ZNF66: variants seen among roughly 807,000 people sequenced by gnomAD.
ZNF66 encodes zinc finger protein 66.
A neutral mutation model predicts 35.2 loss-of-function variants in ZNF66; 32 were observed. That is an observed-to-expected ratio of 0.91 (90% CI 0.69 to 1.22). The LOEUF (loss-of-function observed/expected upper bound fraction) is 1.22. Ranked by LOEUF, ZNF66 falls within the 50% of genes most tolerant of loss-of-function variation. The pLI is 0.00. For missense variants in ZNF66, 666 were observed against 543.1 expected (o/e 1.23, Z -2.25); for synonymous variants, 231 against 181.3 (o/e 1.27, Z -2.20).
At chr19:20,785,362 A>G (rs1971277852) in intron 1 of ZNF66, among the ~76,000 whole-genome samples, 1 of 152,218 alleles carries the variant, frequency 6.6e-6, no homozygotes, top group African/African-American at 2.4e-5. Flanking sequence ...AGAGAATCCT[A>G]TTCAACCATT....
chr19:20,797,356 G>A (rs1224850738), intron 3 of ZNF66, among the ~76,000 whole-genome samples: 3 of 138,754 alleles, frequency 2.2e-5, no homozygotes, highest in Non-Finnish European at 4.7e-5. Flanking sequence ...ACAGGCGCCC[G>A]CCACCTCGCC....
intron 2 of ZNF66, 61 bp from the exon 3 acceptor site, chr19:20,793,722 T>G: frequency 1.6e-6 from 1 of 625,158 alleles, no homozygotes; most frequent in Non-Finnish European, 2.6e-6. Context: ...CCTGAGCACA[T>G]TACTAGCTTG....
intron 1 of ZNF66, 110 bp from the exon 2 acceptor site, chr19:20,792,402 A>C (rs1391293991): frequency 1.0e-6 from 1 of 962,182 alleles, no homozygotes; most frequent in Non-Finnish European, 1.5e-6. Flanking sequence ...AACTTTAGTC[A>C]GTCCTATAAG....
chr19:20,806,298 A>G lies in ZNF66; in HGVS notation c.698A>G (p.Asp233Gly). The change falls in exon 4 of 4, where the codon GAC becomes GGC. Residue 233 changes from aspartate to glycine, a missense_variant. Asp to Gly is a moderately conservative substitution (Grantham distance 94). Coordinates refer to ENST00000344519, the MANE Select transcript of ZNF66 (RefSeq NM_001355197.2). ...HTGEKRYKCE[D>G]CGKAFNRSSN... ...GGAGAGAAACGGTACAAATGTGAAG[A>G]CTGTGGCAAAGCCTTTAACCGCTCC... is the stretch of plus-strand genomic sequence containing the variant. 6.7e-7 allele frequency: 1 copy of G among 1,492,202 alleles called. No individual in the cohort carries two copies. Among genetic ancestry groups the G allele is most frequent in the South Asian group, 1.1e-5 (1 of 88,438 alleles). 92.4% of individuals were successfully genotyped at this position (1,492,202 alleles called of 1,614,324 possible).
chr19:20,792,427 C>A, intron 1 of ZNF66, 85 bp from the exon 2 acceptor site: 3 of 1,247,808 alleles, frequency 2.4e-6, no homozygotes, highest in Non-Finnish European at 3.3e-6. Context: ...AACCAGTTAT[C>A]TTTACTCTCT....
intron 1 of ZNF66, among the ~76,000 whole-genome samples, chr19:20,787,693 A>T (rs910985554): frequency 1.3e-5 from 2 of 152,212 alleles, no homozygotes; most frequent in African/African-American, 4.8e-5. Context: ...TGTAAGTGTA[A>T]ATAAGCATCT....
At chr19:20,779,141 T>A (rs1003865540) in intron 1 of ZNF66, among the ~76,000 whole-genome samples, 14 of 152,320 alleles carry the variant, frequency 9.2e-5, no homozygotes, top group African/African-American at 3.4e-4. Flanking sequence ...GAGAGGGTCT[T>A]ACTGATGATG....
In ZNF66 at chr19:20,805,884, T is replaced by C. The variant is rs760293753; in HGVS notation, c.284T>C (p.Phe95Ser). Reference sequence around the variant, plus strand: ...CCAGAGCAGAGCATAAAAGATTCTTTCCAAAAACTGATACTGAGAAGGCAT... The same window carrying C: ...CCAGAGCAGAGCATAAAAGATTCTTCCCAAAAACTGATACTGAGAAGGCAT... ...LWPEQSIKDS[F>S]QKLILRRHKK... The change falls in exon 4 of 4, where the codon TTC (phenylalanine) becomes TCC (serine). Residue 95 changes from phenylalanine to serine, a missense_variant. Coordinates refer to ENST00000344519, the MANE Select transcript of ZNF66 (RefSeq NM_001355197.2). 3.1e-6 allele frequency: 2 copies of C among 654,356 alleles called. No individual in the cohort carries two copies. The highest frequency in any genetic ancestry group is 2.8e-6 in the Non-Finnish European group (1 of 361,260). The allele number at this position is 654,356 out of a possible 1,614,324, so 40.5% of individuals were successfully genotyped here. A position where few individuals can be genotyped will look rare whatever the true frequency, so the allele number is the denominator to read the frequency against.
chr19:20,796,280 C>T (rs1971392178), intron 3 of ZNF66, among the ~76,000 whole-genome samples: 1 of 151,896 alleles, frequency 6.6e-6, no homozygotes, highest in South Asian at 2.1e-4. Context: ...TTTCATCTTA[C>T]TGATGTCACT....
intron 3 of ZNF66, among the ~76,000 whole-genome samples, chr19:20,802,628 T>C (rs971741666): frequency 1.3e-5 from 2 of 152,242 alleles, no homozygotes; most frequent in African/African-American, 4.8e-5. Flanking sequence ...AGGAGAATGC[T>C]GTATGAGCTA....
chr19:20,793,813 C>A lies in ZNF66; in HGVS notation c.161C>A (p.Thr54Asn), dbSNP rs1421024610. ...GIVVSKPDLI[T>N]HLEQGKKPST... Reference sequence around the variant, plus strand: ...GTTGTCTCAAAGCCAGACCTCATCACCCATCTGGAGCAAGGAAAAAAACCT... The same window carrying A: ...GTTGTCTCAAAGCCAGACCTCATCAACCATCTGGAGCAAGGAAAAAAACCT... Residue 54 changes from threonine (T) to asparagine (N), a missense_variant, in exon 3 of 4, where the codon ACC (threonine) becomes AAC (asparagine). Thr to Asn is a moderately conservative substitution (Grantham distance 65). Coordinates refer to ENST00000344519, the MANE Select transcript of ZNF66 (RefSeq NM_001355197.2). 1.1e-5 allele frequency: 12 copies of A among 1,104,078 alleles called. No individual in the cohort carries two copies. Among genetic ancestry groups the A allele is most frequent in the Non-Finnish European group, 1.4e-5 (11 of 778,256 alleles). The allele number at this position is 1,104,078 out of a possible 1,614,324, so 68.4% of individuals were successfully genotyped here. A position where few individuals can be genotyped will look rare whatever the true frequency, so the allele number is the denominator to read the frequency against.
intron 3 of ZNF66, among the ~76,000 whole-genome samples, chr19:20,797,893 G>A (rs1971410588): frequency 6.6e-6 from 1 of 151,832 alleles, no homozygotes; most frequent in African/African-American, 2.4e-5. Flanking sequence ...TAGTTTATTG[G>A]GTGTTTTGGT....
chr19:20,806,188 T>C lies in ZNF66; in HGVS notation c.588T>C (p.Thr196=), dbSNP rs757127787. The change falls in exon 4 of 4, where the codon ACT becomes ACC. Residue 196 remains threonine (T), a synonymous_variant. Coordinates refer to ENST00000344519, the MANE Select transcript of ZNF66 (RefSeq NM_001355197.2). The part of the protein sequence containing the change: ...STFTTHKKIH[T]GEKPYKCIEC... Reference sequence around the variant, plus strand: ...TTACTACACATAAGAAAATTCATACTGGAGAGAAACCCTATAAATGTATAG... The same window carrying C: ...TTACTACACATAAGAAAATTCATACCGGAGAGAAACCCTATAAATGTATAG... 7 of 1,325,914 alleles carry C rather than the reference T, an allele frequency of 5.3e-6. No individual in the cohort carries two copies. In the South Asian group the frequency reaches 7.1e-5, roughly 13 times the overall value. The allele number at this position is 1,325,914 out of a possible 1,614,324, so 82.1% of individuals were successfully genotyped here. A position where few individuals can be genotyped will look rare whatever the true frequency, so the allele number is the denominator to read the frequency against.
rs1441359242 is a variant in ZNF66, at chr19:20,808,683, A to G, written c.*1361A>G. Among the ~76,000 whole-genome samples, 1 of 152,142 alleles carries G rather than the reference A, an allele frequency of 6.6e-6. No homozygotes were observed. The highest frequency in any genetic ancestry group is 1.5e-5 in the Non-Finnish European group (1 of 68,026). ...ACAAACAGAAAGGACATCCACACCAAAAACCCATCTGTACATCACCATCAT... is the reference window on the plus strand; with the variant it reads ...ACAAACAGAAAGGACATCCACACCAGAAACCCATCTGTACATCACCATCAT... On this transcript the variant is annotated 3_prime_UTR_variant, in exon 4 of 4. Transcript: ENST00000344519.
intron 1 of ZNF66, among the ~76,000 whole-genome samples, chr19:20,785,751 G>GTTTTTTTT (rs1171317364): frequency 6.1e-5 from 9 of 148,736 alleles, no homozygotes; most frequent in South Asian, 2.1e-4. Context: ...TTCTTTTTCT[G>GTTTTTTTT]TTTTTGTTTG....
intron 1 of ZNF66, among the ~76,000 whole-genome samples, chr19:20,780,759 A>G (rs1303888623): frequency 6.6e-6 from 1 of 152,196 alleles, no homozygotes; most frequent in Non-Finnish European, 1.5e-5. Context: ...TTTCCCATAC[A>G]CAGGCTGTCA....
chr19:20,807,883 C>G lies in ZNF66; in HGVS notation c.*561C>G, dbSNP rs1198736448. Reference sequence around the variant, plus strand: ...GCTGCAGGACAGTGGGTGCAGTGCACTGTGCATGAGCTGAAGCAGGGCGAG... The same window carrying G: ...GCTGCAGGACAGTGGGTGCAGTGCAGTGTGCATGAGCTGAAGCAGGGCGAG... On this transcript the variant is annotated 3_prime_UTR_variant, in exon 4 of 4. Coordinates refer to ENST00000344519, the MANE Select transcript of ZNF66 (RefSeq NM_001355197.2). Among the ~76,000 whole-genome samples, 2 of 152,182 alleles carry G rather than the reference C, an allele frequency of 1.3e-5. No individual in the cohort carries two copies. The highest frequency in any genetic ancestry group is 2.9e-5 in the Non-Finnish European group (2 of 68,046).
intron 3 of ZNF66, among the ~76,000 whole-genome samples, chr19:20,805,409 C>A (rs150943317): frequency 6.6e-6 from 1 of 152,018 alleles, no homozygotes; most frequent in African/African-American, 2.4e-5. Flanking sequence ...GGCCAGGCTG[C>A]CTTTGAACTC....
chr19:20,806,127 C>A lies in ZNF66; in HGVS notation c.527C>A (p.Thr176Lys), dbSNP rs1971503134. ...ACTGGAAAAAACCCTTGCAAATTTA[C>A]AGAATGTGGCAAAGCTTTTAACCGG... Reference protein sequence around the residue: ...RHTGKNPCKFTECGKAFNRSS... With the variant: ...RHTGKNPCKFKECGKAFNRSS... Residue 176 changes from threonine (T) to lysine (K), a missense_variant, in exon 4 of 4, where the codon ACA becomes AAA. Coordinates refer to ENST00000344519, the MANE Select transcript of ZNF66 (RefSeq NM_001355197.2). The A allele has an allele frequency of 9.4e-7, 1 of 1,065,244 alleles. No homozygotes were observed. Among genetic ancestry groups the A allele is most frequent in the Non-Finnish European group, 1.5e-6 (1 of 688,232 alleles). The allele number at this position is 1,065,244 out of a possible 1,614,324, so 66.0% of individuals were successfully genotyped here.
Sources: allele counts gnomAD v4.1 joint callset (sites outside exome capture counted in the v4.1 genomes callset), GRCh38; gene constraint gnomAD v4.1.1; transcripts MANE v1.5; gene names NCBI Gene and HGNC (gene_info 2026-07-23, HGNC 2026-07-21).